The following GEMIN2 variants were observed in gnomAD, a reference collection of about 807,000 sequenced individuals.
GEMIN2 encodes the protein gem-associated protein 2.
Under a neutral mutation model 45.8 loss-of-function variants are expected in GEMIN2, and 37 were observed. That is an observed-to-expected ratio of 0.81 (90% CI 0.62 to 1.06). The LOEUF is 1.06. Ranked by LOEUF, GEMIN2 falls within the 50% of genes least tolerant of loss-of-function variation. The pLI is 0.00. For synonymous variants in GEMIN2, 101 were observed against 111.5 expected (o/e 0.91, Z 0.60); for missense variants, 335 against 321.8 (o/e 1.04, Z -0.31).
intron 9 of GEMIN2, 48 bp from the exon 10 acceptor site, chr14:39,136,392 C>A: frequency 2.1e-6 from 2 of 947,018 alleles, no homozygotes; most frequent in African/African-American, 3.2e-5. Flanking sequence ...AAAAATAGTG[C>A]TACAGTTAAT....
At chr14:39,135,810 A>G (rs1422571254) in intron 9 of GEMIN2, among the ~76,000 whole-genome samples, 1 of 152,330 alleles carries the variant, frequency 6.6e-6, no homozygotes, top group East Asian at 1.9e-4. Context: ...TTCAAGGTAC[A>G]TTTGGAGTAT....
chr14:39,135,310 G>A (rs1343314620), intron 9 of GEMIN2, among the ~76,000 whole-genome samples: 3 of 152,164 alleles, frequency 2.0e-5, no homozygotes, highest in African/African-American at 4.8e-5. Context: ...AAAGGACCGG[G>A]CATGGTGGCT....
intron 5 of GEMIN2, among the ~76,000 whole-genome samples, chr14:39,124,567 TC>T (rs1336904453): frequency 3.3e-5 from 5 of 151,984 alleles, no homozygotes; most frequent in African/African-American, 4.8e-5. Context: ...GCTCAGGAGT[TC>T]CAGACCAACC....
rs1277395135 is a variant in GEMIN2, at chr14:39,114,866, C to CA, written c.178dup (p.Ile60AsnfsTer2). The CA allele has an allele frequency of 6.3e-7, 1 of 1,581,160 alleles. No individual in the cohort carries two copies. Among genetic ancestry groups the CA allele is most frequent in the East Asian group, 2.2e-5 (1 of 44,716 alleles). On this transcript the variant is annotated frameshift_variant, in exon 2 of 10. Coordinates refer to ENST00000308317, the MANE Select transcript of GEMIN2 (RefSeq NM_003616.3). LOFTEE classifies it high-confidence loss of function. Reference sequence around the variant, plus strand: ...TCAATGTCCAGATGTTGTGGTAGCTCAAATTGACCCAAAGAAGTTGAAAAG... The same window carrying CA: ...TCAATGTCCAGATGTTGTGGTAGCTCAAAATTGACCCAAAGAAGTTGAAAAG...
chr14:39,117,738 A>G (rs1372128384), intron 2 of GEMIN2, among the ~76,000 whole-genome samples: 1 of 152,166 alleles, frequency 6.6e-6, no homozygotes, highest in East Asian at 1.9e-4. Context: ...TGTCATTTAG[A>G]TTTCATAGAA....
At chr14:39,129,369 T>C (rs955356686) in intron 7 of GEMIN2, among the ~76,000 whole-genome samples, 1 of 152,198 alleles carries the variant, frequency 6.6e-6, no homozygotes, top group African/African-American at 2.4e-5. Flanking sequence ...CATTAAGTGA[T>C]GCATGACTGT....
At chr14:39,123,314 T>C (rs2052597133) in intron 5 of GEMIN2, among the ~76,000 whole-genome samples, 1 of 151,974 alleles carries the variant, frequency 6.6e-6, no homozygotes, top group Non-Finnish European at 1.5e-5. Flanking sequence ...TAATTTTTCC[T>C]AAAAATGTAA....
At chr14:39,121,601 C>T (rs1566531537) in intron 4 of GEMIN2, among the ~76,000 whole-genome samples, 2 of 152,200 alleles carry the variant, frequency 1.3e-5, no homozygotes, top group East Asian at 3.8e-4. Flanking sequence ...CTATGTTTGT[C>T]AGGGCTGCCA....
chr14:39,136,026 G>A (rs1442450452), intron 9 of GEMIN2, among the ~76,000 whole-genome samples: 1 of 152,122 alleles, frequency 6.6e-6, no homozygotes, highest in Admixed American at 6.6e-5. Context: ...TTCAAGACCA[G>A]TCTGGGAAAT....
chr14:39,135,590 A>AAAAAAAG (rs1394411076), intron 9 of GEMIN2, among the ~76,000 whole-genome samples: 1 of 151,984 alleles, frequency 6.6e-6, no homozygotes, highest in Admixed American at 6.6e-5. Flanking sequence ...CCATCTCAAA[A>AAAAAAAG]AAAAAAGAAA....
intron 7 of GEMIN2, among the ~76,000 whole-genome samples, chr14:39,130,357 A>G (rs1291977771): frequency 6.6e-6 from 1 of 152,086 alleles, no homozygotes; most frequent in Non-Finnish European, 1.5e-5. Context: ...CCGAAGTGAT[A>G]TGTTGCTTAG....
intron 2 of GEMIN2, among the ~76,000 whole-genome samples, chr14:39,116,551 G>A (rs2052509879): frequency 6.6e-6 from 1 of 151,868 alleles, no homozygotes; most frequent in Non-Finnish European, 1.5e-5. Flanking sequence ...CGAGTAGCTG[G>A]GACTACAGGC....
At chr14:39,134,867 C>T (rs2052763116) in intron 9 of GEMIN2, among the ~76,000 whole-genome samples, 2 of 152,180 alleles carry the variant, frequency 1.3e-5, no homozygotes, top group South Asian at 2.1e-4. Context: ...AAGCTAATAC[C>T]TACCTCATCT....
Position 39,128,298 on chromosome 14 carries a change from T to A in GEMIN2, c.550T>A (p.Leu184Met). ...TTTTTAGGCAACAGTAACTAGTGTC[T>A]TGGAATATCTGAGTAATTGGTTTGG... ...RMNQATVTSV[L>M]EYLSNWFGER... Residue 184 changes from leucine to methionine, a missense_variant, in exon 7 of 10, where the codon TTG becomes ATG. By Grantham distance (15) the Leu-to-Met change is conservative. Coordinates refer to ENST00000308317, the MANE Select transcript of GEMIN2 (RefSeq NM_003616.3). The A allele has an allele frequency of 6.4e-7, 1 of 1,570,116 alleles. No individual in the cohort carries two copies. Among genetic ancestry groups the A allele is most frequent in the Non-Finnish European group, 8.7e-7 (1 of 1,147,134 alleles).
intron 8 of GEMIN2, among the ~76,000 whole-genome samples, chr14:39,132,674 TTTTTTTTTTTTTC>T (rs1415851125): frequency 5.3e-5 from 3 of 56,660 alleles, no homozygotes; most frequent in African/African-American, 2.2e-4. Context: ...CTTTTTTTTT[TTTTTTTTTTTTTC>T]TTTTATTGTG....
chr14:39,133,580 G>A (rs1232841069), intron 8 of GEMIN2, 81 bp from the exon 9 acceptor site: 5 of 691,216 alleles, frequency 7.2e-6, no homozygotes, highest in South Asian at 2.1e-5. Context: ...TTCATGTTTC[G>A]TGTTTTACAT....
At chr14:39,121,222 A>G (rs530556996) in intron 4 of GEMIN2, among the ~76,000 whole-genome samples, 1 of 152,266 alleles carries the variant, frequency 6.6e-6, no homozygotes, top group South Asian at 2.1e-4. Flanking sequence ...AGTGTCCACT[A>G]AAGTCTTGTC....
intron 4 of GEMIN2, among the ~76,000 whole-genome samples, chr14:39,119,060 C>G (rs946725108): frequency 2.0e-5 from 3 of 152,120 alleles, no homozygotes; most frequent in Non-Finnish European, 4.4e-5. Flanking sequence ...CAGGCATGAG[C>G]TACTGTACCC....
intron 4 of GEMIN2, chr14:39,121,902 A>G: frequency 6.4e-6 from 1 of 155,968 alleles, no homozygotes. Context: ...TTGTATTTTT[A>G]GTAGAGGTGG....
Sources: gnomAD v4.1 joint callset for allele counts (sites outside exome capture counted in the v4.1 genomes callset) on GRCh38, gnomAD v4.1.1 for gene constraint, MANE v1.5 for transcripts, NCBI Gene and HGNC (gene_info 2026-07-23, HGNC 2026-07-21) for gene names.